Variants in TBPL1 observed in about 807,000 individuals in gnomAD.
The protein encoded by TBPL1 is TATA-box binding protein like 1.
Under a neutral mutation model 22.1 loss-of-function variants are expected in TBPL1, and 4 were observed. The ratio of observed to expected loss-of-function variants is 0.18; its 90% CI spans 0.09 to 0.41. The LOEUF is 0.41. TBPL1 is among the 10% of genes least tolerant of loss of function. The pLI, the probability that TBPL1 is intolerant of heterozygous loss-of-function variation, is 1.00. For missense variants in TBPL1, 115 were observed against 222.3 expected (o/e 0.52, Z 3.07); for synonymous variants, 64 against 71.0 (o/e 0.90, Z 0.50).
At position 133,987,632 on chromosome 6, in the gene TBPL1, G is replaced by A. The variant is rs1008802570; in HGVS notation, c.*592G>A. On this transcript the variant is annotated 3_prime_UTR_variant, in exon 7 of 7. Coordinates refer to ENST00000237264, the MANE Select transcript of TBPL1 (RefSeq NM_004865.4). ...TCTTTTTGAAGTGTATTTTGTGTGT[G>A]TGTGTGTGTGTGTGTGTATATATAT... The A allele has an allele frequency of 1.5e-5, 2 of 135,498 alleles. No individual in the cohort carries two copies. Among genetic ancestry groups the A allele is most frequent in the African/African-American group, 5.7e-5 (2 of 35,264 alleles). The allele number at this position is 135,498 out of a possible 1,614,324, so 8.4% of individuals were successfully genotyped here.
At chr6:133,985,294 AAAAATAT>A (rs1776491262) in intron 6 of TBPL1, among the ~76,000 whole-genome samples, 1 of 68,076 alleles carries the variant, frequency 1.5e-5, no homozygotes, top group Admixed American at 1.6e-4. Flanking sequence ...AAAAAAAAAA[AAAAATAT>A]ATATATATAT....
At chr6:133,954,273 G>A (rs546895326) in intron 1 of TBPL1, among the ~76,000 whole-genome samples, 1 of 152,332 alleles carries the variant, frequency 6.6e-6, no homozygotes, top group African/African-American at 2.4e-5. Context: ...TCTGTATTTA[G>A]GGTTTAGAAC....
At chr6:133,955,076 C>G (rs1018307575) in intron 1 of TBPL1, among the ~76,000 whole-genome samples, 43 of 151,958 alleles carry the variant, frequency 2.8e-4, no homozygotes, top group Admixed American at 6.6e-5. Context: ...GAATCAAAGA[C>G]TGTTGCTTAA....
chr6:133,967,111 C>CT (rs1425402974), intron 1 of TBPL1, among the ~76,000 whole-genome samples: 2 of 152,196 alleles, frequency 1.3e-5, no homozygotes, highest in Non-Finnish European at 2.9e-5. Flanking sequence ...ATTCTTCCTT[C>CT]AGGCCTGAGC....
chr6:133,972,778 A>G (rs1252263575), intron 1 of TBPL1, among the ~76,000 whole-genome samples: 1 of 152,156 alleles, frequency 6.6e-6, no homozygotes, highest in Non-Finnish European at 1.5e-5. Context: ...ATATTCAACT[A>G]TTGGTGAATC....
chr6:133,984,624 T>C lies in TBPL1; in HGVS notation c.434T>C (p.Leu145Pro). ...HPAVCYRIKS[L>P]RATLQIFSTG... Reference sequence around the variant, plus strand: ...GCTGTGTGCTATCGGATAAAATCTCTAAGAGCTACATTACAGATTTTTTCA... The same window carrying C: ...GCTGTGTGCTATCGGATAAAATCTCCAAGAGCTACATTACAGATTTTTTCA... Residue 145 changes from leucine (L) to proline (P), a missense_variant, in exon 6 of 7, where the codon CTA becomes CCA. Leu to Pro is a moderately conservative substitution (Grantham distance 98). Coordinates refer to ENST00000237264, the MANE Select transcript of TBPL1 (RefSeq NM_004865.4). The C allele has an allele frequency of 6.2e-7, 1 of 1,613,230 alleles. No individual in the cohort carries two copies. The highest frequency in any genetic ancestry group is 8.5e-7 in the Non-Finnish European group (1 of 1,179,844).
chr6:133,966,065 A>G (rs1247351015), intron 1 of TBPL1, among the ~76,000 whole-genome samples: 1 of 152,144 alleles, frequency 6.6e-6, no homozygotes, highest in Non-Finnish European at 1.5e-5. Flanking sequence ...TCAACTTCAG[A>G]GACAGAGAGA....
At chr6:133,954,795 A>G (rs986798885) in intron 1 of TBPL1, among the ~76,000 whole-genome samples, 4 of 152,090 alleles carry the variant, frequency 2.6e-5, no homozygotes, top group Admixed American at 6.5e-5. Flanking sequence ...CCTCCTCTTT[A>G]CGTACCCTCT....
intron 1 of TBPL1, among the ~76,000 whole-genome samples, chr6:133,975,810 G>A (rs569191708): frequency 3.3e-4 from 51 of 152,286 alleles, no homozygotes; most frequent in African/African-American, 1.1e-3. Flanking sequence ...GATGTGATTT[G>A]GAAGAACAGC....
At chr6:133,983,092 C>A (rs778775560) in intron 4 of TBPL1, among the ~76,000 whole-genome samples, 15 of 152,132 alleles carry the variant, frequency 9.9e-5, no homozygotes, top group Non-Finnish European at 2.2e-4. Context: ...TTCCCTAATT[C>A]CTTTCCCATA....
rs186177732 is a variant in TBPL1 at position 133,953,799 on chromosome 6, C to T, written c.-45+374C>T. ...AAGAGATTCCTCATCTGTCTCGGAG[C>T]CATCACCCAGGGGAAGAGGGACCGT... On this transcript the variant is annotated intron_variant, in intron 1 of 6. Coordinates refer to ENST00000237264, the MANE Select transcript of TBPL1 (RefSeq NM_004865.4). 1.8e-3 allele frequency among the ~76,000 whole-genome samples: 272 copies of T among 152,216 alleles called. 1 individual carries two copies. Among genetic ancestry groups the T allele is most frequent in the African/African-American group, 5.9e-3 (243 of 41,510 alleles).
chr6:133,977,675 T>C (rs374209280), intron 1 of TBPL1, among the ~76,000 whole-genome samples: 2 of 152,242 alleles, frequency 1.3e-5, no homozygotes, highest in South Asian at 2.1e-4. Context: ...TAGGTTTGGC[T>C]GTATATCACA....
Position 133,980,091 on chromosome 6 carries a change from T to G in TBPL1, c.-35T>G. 1 of 1,454,830 alleles carries G rather than the reference T, an allele frequency of 6.9e-7. No individual in the cohort carries two copies. Among genetic ancestry groups the G allele is most frequent in the South Asian group, 1.6e-5 (1 of 62,526 alleles). 90.1% of individuals were successfully genotyped at this position (1,454,830 alleles called of 1,614,324 possible). Reference sequence around the variant, plus strand: ...TTGTTTTATTTCTCAGGATGTGATCTTCGTGGTGGAAAGCTAAATTTTAAA... The same window carrying G: ...TTGTTTTATTTCTCAGGATGTGATCGTCGTGGTGGAAAGCTAAATTTTAAA... On this transcript the variant is annotated 5_prime_UTR_variant, in exon 2 of 7. Coordinates refer to ENST00000237264, the MANE Select transcript of TBPL1 (RefSeq NM_004865.4).
intron 1 of TBPL1, among the ~76,000 whole-genome samples, chr6:133,968,609 C>G (rs1478366570): frequency 6.6e-6 from 1 of 152,204 alleles, no homozygotes; most frequent in African/African-American, 2.4e-5. Flanking sequence ...CAGTTCAGAA[C>G]TAGTCCACTG....
chr6:133,963,774 T>A (rs1355537215), intron 1 of TBPL1, among the ~76,000 whole-genome samples: 1 of 150,206 alleles, frequency 6.7e-6, no homozygotes, highest in Non-Finnish European at 1.5e-5. Flanking sequence ...CTCACGCCTG[T>A]AATCCCAGCA....
chr6:133,982,791 A>C, intron 3 of TBPL1, 26 bp from the exon 4 acceptor site: 1 of 1,605,656 alleles, frequency 6.2e-7, no homozygotes, highest in Non-Finnish European at 8.5e-7. Context: ...GTAACTGATA[A>C]TCTTTTTCTT....
rs1323940340 is a variant in TBPL1, at chr6:133,985,298, ATATATAT to A, written c.481+628_481+634del. Among the ~76,000 whole-genome samples, 220 of 31,110 alleles carry A rather than the reference ATATATAT, an allele frequency of 7.1e-3. 33 individuals carry two copies. The highest frequency in any genetic ancestry group is 0.015 in the African/African-American group (101 of 6,858). 20.4% of individuals were successfully genotyped at this position (31,110 alleles called of 152,430 possible). ...GTCTAAAAAAAAAAAAAAAAAAAAA[ATATATAT>A]ATATATATATATATATATATATATA... On this transcript the variant is annotated intron_variant, in intron 6 of 6. Transcript: ENST00000237264.
At chr6:133,986,299 A>G (rs573974191) in intron 6 of TBPL1, among the ~76,000 whole-genome samples, 2 of 152,272 alleles carry the variant, frequency 1.3e-5, no homozygotes, top group South Asian at 4.1e-4. Context: ...AATAGTTTTC[A>G]TTGTCCTTTT....
chr6:133,985,095 T>C lies in TBPL1; in HGVS notation c.481+424T>C, dbSNP rs1375471829. On this transcript the variant is annotated intron_variant, in intron 6 of 6. Transcript: ENST00000237264. The stretch of plus-strand genomic sequence containing the variant: ...GAGATCAAGACCATCCTGGCCAACA[T>C]GGTGAAACCCCGTCTCTACTAAAAA... Among the ~76,000 whole-genome samples the C allele has an allele frequency of 2.0e-5, 3 of 151,284 alleles. No homozygotes were observed. The East Asian group carries it at 5.9e-4, about 30-fold the overall frequency.
Sources: allele counts gnomAD v4.1 joint callset (sites outside exome capture counted in the v4.1 genomes callset), GRCh38; gene constraint gnomAD v4.1.1; transcripts MANE v1.5; gene names NCBI Gene and HGNC (gene_info 2026-07-23, HGNC 2026-07-21).